ADCY5: variants seen among roughly 807,000 people sequenced by gnomAD.
ADCY5 encodes adenylate cyclase type 5.
In ADCY5, 30 loss-of-function variants were observed where a neutral mutation model predicts 119.7. The observed-to-expected ratio is 0.25, with a 90% confidence interval of 0.19 to 0.34. ADCY5 has a LOEUF of 0.34. Ranked by LOEUF, ADCY5 falls within the 10% of genes least tolerant of loss-of-function variation. The probability of loss-of-function intolerance (pLI) is 1.00; values close to 1 mark genes in which losing one functional copy is unlikely to be tolerated. For synonymous variants in ADCY5, 753 were observed against 762.2 expected (o/e 0.99, Z 0.20); for missense variants, 1,324 against 1,775.2 (o/e 0.75, Z 4.57).
chr3:123,433,187 G>A (rs781505686), intron 1 of ADCY5, among the ~76,000 whole-genome samples: 5 of 152,234 alleles, frequency 3.3e-5, no homozygotes, highest in Non-Finnish European at 5.9e-5. Context: ...GATTGGCGGT[G>A]TCAGATGCCA....
intron 1 of ADCY5, among the ~76,000 whole-genome samples, chr3:123,401,461 GA>G (rs150600145): frequency 1.7e-3 from 255 of 152,352 alleles, no homozygotes; most frequent in Non-Finnish European, 3.1e-3. Flanking sequence ...CACTTAGGAT[GA>G]AAAACAAGCA....
At chr3:123,393,160 C>T (rs1944443792) in intron 1 of ADCY5, among the ~76,000 whole-genome samples, 1 of 152,164 alleles carries the variant, frequency 6.6e-6, no homozygotes, top group Non-Finnish European at 1.5e-5. Flanking sequence ...AGCCCGGGGT[C>T]GAGAGTGAGG....
chr3:123,435,416 G>C (rs1945591092), intron 1 of ADCY5, among the ~76,000 whole-genome samples: 1 of 152,156 alleles, frequency 6.6e-6, no homozygotes, highest in African/African-American at 2.4e-5. Flanking sequence ...AAGAGAGACT[G>C]CCTCCACACA....
chr3:123,350,339 G>A (rs1942779395), intron 2 of ADCY5, among the ~76,000 whole-genome samples: 1 of 152,216 alleles, frequency 6.6e-6, no homozygotes, highest in African/African-American at 2.4e-5. Context: ...ACACATTAGT[G>A]AAGGGCGGTG....
At chr3:123,371,799 A>G (rs942882508) in intron 1 of ADCY5, among the ~76,000 whole-genome samples, 3 of 152,146 alleles carry the variant, frequency 2.0e-5, no homozygotes. Context: ...CCACCCCTGC[A>G]TATCTACACA....
intron 14 of ADCY5, 80 bp downstream of exon 14, chr3:123,302,975 T>TG: frequency 2.0e-6 from 3 of 1,524,384 alleles, no homozygotes; most frequent in South Asian, 2.5e-5. Context: ...TCCTTCAGAC[T>TG]GTCCTGAGCA....
At chr3:123,338,833 G>A (rs1192940271) in intron 3 of ADCY5, among the ~76,000 whole-genome samples, 1 of 152,204 alleles carries the variant, frequency 6.6e-6, no homozygotes, top group African/African-American at 2.4e-5. Context: ...GCATTTCCTC[G>A]TGGTTGTTCC....
rs115068011 is a variant in ADCY5, at chr3:123,352,018, C to T, written c.1284+414G>A. Among the ~76,000 whole-genome samples the T allele has an allele frequency of 8.5e-4, 129 of 152,328 alleles. No individual in the cohort carries two copies. The highest frequency in any genetic ancestry group is 2.9e-3 in the African/African-American group (122 of 41,572). ...CCTGTCTCCTCTTCTTCTCCCTCAT[C>T]CCTCCCCTGCGGAGCACCTTAATCC... On this transcript the variant is annotated intron_variant, in intron 2 of 20. Transcript: ENST00000462833. The surrounding 1 kb of genome is among the most constrained non-coding windows in gnomAD (Gnocchi z 4.8).
intron 8 of ADCY5, among the ~76,000 whole-genome samples, chr3:123,321,975 G>A (rs184328776): frequency 1.3e-5 from 2 of 152,300 alleles, no homozygotes; most frequent in African/African-American, 4.8e-5. Context: ...TAGGCAAACT[G>A]CACCCTTCTC....
chr3:123,339,659 G>C (rs1204775944), intron 3 of ADCY5, among the ~76,000 whole-genome samples: 1 of 152,156 alleles, frequency 6.6e-6, no homozygotes, highest in Admixed American at 6.5e-5. Flanking sequence ...CTGGGTCCAG[G>C]GGTCCTAGGT....
At chr3:123,294,774 C>A (rs376493685) in intron 17 of ADCY5, among the ~76,000 whole-genome samples, 4 of 151,948 alleles carry the variant, frequency 2.6e-5, no homozygotes, top group Non-Finnish European at 5.9e-5. Flanking sequence ...GGGGAGGGTG[C>A]GCAGGGATGA....
chr3:123,363,010 G>A (rs1943307490), intron 1 of ADCY5, among the ~76,000 whole-genome samples: 2 of 151,812 alleles, frequency 1.3e-5, no homozygotes, highest in South Asian at 4.2e-4. Flanking sequence ...GGGCGTGGTG[G>A]TGCGCACCTG....
chr3:123,380,348 G>A (rs1217843300), intron 1 of ADCY5, among the ~76,000 whole-genome samples: 1 of 152,234 alleles, frequency 6.6e-6, no homozygotes, highest in African/African-American at 2.4e-5. Context: ...CAAGCCCTGA[G>A]TAGCTGGCGT....
intron 1 of ADCY5, among the ~76,000 whole-genome samples, chr3:123,404,847 A>C (rs1309944881): frequency 6.6e-6 from 1 of 152,266 alleles, no homozygotes; most frequent in Non-Finnish European, 1.5e-5. Context: ...ACATCTGGGC[A>C]GGAGACCTCT....
At chr3:123,425,218 A>G (rs1349693958) in intron 1 of ADCY5, among the ~76,000 whole-genome samples, 1 of 152,246 alleles carries the variant, frequency 6.6e-6, no homozygotes, top group Non-Finnish European at 1.5e-5. Context: ...AGGTCCAACC[A>G]GCCAAAGGAA....
intron 1 of ADCY5, among the ~76,000 whole-genome samples, chr3:123,440,831 G>A (rs1945709736): frequency 6.6e-6 from 1 of 152,170 alleles, no homozygotes; most frequent in Non-Finnish European, 1.5e-5. Flanking sequence ...GGGGGGATTG[G>A]GGCGAGGGGG....
At chr3:123,343,684 C>T (rs1559822516) in intron 3 of ADCY5, among the ~76,000 whole-genome samples, 1 of 152,120 alleles carries the variant, frequency 6.6e-6, no homozygotes, top group East Asian at 1.9e-4. Context: ...CTGGCATGTC[C>T]CAGAGGCCCT....
intron 3 of ADCY5, among the ~76,000 whole-genome samples, chr3:123,334,261 C>T (rs991041327): frequency 6.6e-6 from 1 of 152,110 alleles, no homozygotes; most frequent in African/African-American, 2.4e-5. Context: ...ATTTCACAGA[C>T]GGGAGCCAAG....
intron 1 of ADCY5, among the ~76,000 whole-genome samples, chr3:123,441,242 G>A (rs1338749451): frequency 1.3e-5 from 2 of 152,178 alleles, no homozygotes; most frequent in African/African-American, 4.8e-5. Context: ...TAGACCTTTG[G>A]AAGTTGTACC....
Sources: allele counts gnomAD v4.1 joint callset (sites outside exome capture counted in the v4.1 genomes callset), GRCh38; gene constraint gnomAD v4.1.1; non-coding constraint Gnocchi (gnomAD v3.1); transcripts MANE v1.5; gene names NCBI Gene and HGNC (gene_info 2026-07-23, HGNC 2026-07-21).